The following MIS12 variants were observed in gnomAD, a reference collection of about 807,000 sequenced individuals.
MIS12 encodes protein MIS12 homolog.
A neutral mutation model predicts 16.5 loss-of-function variants in MIS12; 13 were observed. That is an observed-to-expected ratio of 0.79 (90% CI 0.51 to 1.25). MIS12 has a LOEUF of 1.25. MIS12 is among the 50% of genes most tolerant of loss of function. The pLI is 0.00. For missense variants in MIS12, 199 were observed against 239.5 expected (o/e 0.83, Z 1.12); for synonymous variants, 97 against 87.3 (o/e 1.11, Z -0.62).
In MIS12 at chr17:5,488,832, G is replaced by T. The variant is rs189804209; in HGVS notation, c.-31G>T. 9.6e-6 allele frequency: 15 copies of T among 1,562,752 alleles called. No individual in the cohort carries two copies. Among genetic ancestry groups the T allele is most frequent in the South Asian group, 2.4e-5 (2 of 83,508 alleles). On this transcript the variant is annotated 5_prime_UTR_variant, in exon 3 of 3. Coordinates refer to ENST00000611091, the MANE Select transcript of MIS12 (RefSeq NM_001258217.2). ...CTTTTTACATTTGCAGGTTTTTCAC[G>T]ACTGAAAACAACATAGCAAAATAAG... is the stretch of plus-strand genomic sequence containing the variant.
At chr17:5,488,122 G>C (rs1483971136) in intron 1 of MIS12, 74 bp from the exon 2 acceptor site, 1 of 152,140 alleles carries the variant, frequency 6.6e-6, no homozygotes, top group Non-Finnish European at 1.5e-5. Context: ...ATTACTCGCA[G>C]ACCCTTGAAA....
At position 5,489,370 on chromosome 17, in the gene MIS12, G is replaced by T; in HGVS notation, c.508G>T (p.Gly170Trp). ...GCTTCATAATGTTGGCAGAGATCATGGGACTAGTGATTTTAGGGAGAGTTT... is the reference window on the plus strand; with the variant it reads ...GCTTCATAATGTTGGCAGAGATCATTGGACTAGTGATTTTAGGGAGAGTTT... The part of the protein sequence containing the change: ...DELHNVGRDH[G>W]TSDFRESLVS... The change falls in exon 3 of 3, where the codon GGG (glycine) becomes TGG (tryptophan). Residue 170 changes from glycine (G) to tryptophan (W), a missense_variant. By Grantham distance (184) the Gly-to-Trp change is radical. Coordinates refer to ENST00000611091, the MANE Select transcript of MIS12 (RefSeq NM_001258217.2). 6.2e-7 allele frequency: 1 copy of T among 1,614,076 alleles called. No individual in the cohort carries two copies. The highest frequency in any genetic ancestry group is 1.1e-5 in the South Asian group (1 of 91,074).
rs1906720938 is a variant in MIS12 at position 5,490,661 on chromosome 17, T to TG, written c.*1183dup. 1.2e-5 allele frequency: 2 copies of TG among 167,124 alleles called. No homozygotes were observed. The highest frequency in any genetic ancestry group is 2.9e-5 in the Non-Finnish European group (2 of 68,134). The allele number at this position is 167,124 out of a possible 1,614,324, so 10.4% of individuals were successfully genotyped here. A position where few individuals can be genotyped will look rare whatever the true frequency, so the allele number is the denominator to read the frequency against. ...CCATGTCTTCCTAAAGAGCAGAACT[T>TG]GGAGTTTCTCCTTTATGTAGAGAAG... On this transcript the variant is annotated 3_prime_UTR_variant, in exon 3 of 3. Transcript: ENST00000611091.
Position 5,489,664 on chromosome 17 carries a change from A to G in MIS12, c.*184A>G, listed in dbSNP as rs542666964. 1.8e-3 allele frequency: 1,215 copies of G among 662,030 alleles called. 6 individuals carry two copies. The highest frequency in any genetic ancestry group is 3.3e-3 in the Middle Eastern group (8 of 2,398). 41.0% of individuals were successfully genotyped at this position (662,030 alleles called of 1,614,324 possible). A position where few individuals can be genotyped will look rare whatever the true frequency, so the allele number is the denominator to read the frequency against. Reference sequence around the variant, plus strand: ...CTTTTTTGGTCCACTTTGCTGAGGTATGAAGTGTACTACTTTGAACTAGGC... The same window carrying G: ...CTTTTTTGGTCCACTTTGCTGAGGTGTGAAGTGTACTACTTTGAACTAGGC... On this transcript the variant is annotated 3_prime_UTR_variant, in exon 3 of 3. Coordinates refer to ENST00000611091, the MANE Select transcript of MIS12 (RefSeq NM_001258217.2).
intron 1 of MIS12, among the ~76,000 whole-genome samples, 151 bp from the exon 2 acceptor site, chr17:5,488,045 A>C (rs901786892): frequency 6.6e-6 from 1 of 152,220 alleles, no homozygotes. Flanking sequence ...AAAGATGCCT[A>C]GGTTGAATTC....
At chr17:5,486,977 A>C (rs1250658584) in intron 1 of MIS12, 1 of 152,300 alleles carries the variant, frequency 6.6e-6, no homozygotes, top group Non-Finnish European at 1.5e-5. Flanking sequence ...AATACTGATC[A>C]AGCCGCATTT....
Position 5,488,971 on chromosome 17 carries a change from C to T in MIS12, c.109C>T (p.Gln37Ter). The T allele has an allele frequency of 1.2e-6, 2 of 1,614,236 alleles. No homozygotes were observed. The highest frequency in any genetic ancestry group is 1.7e-6 in the Non-Finnish European group (2 of 1,180,046). The part of the protein sequence containing the change: ...AFQDYLFEVM[Q>*]AVEQVILKKL... ...TCAAGACTACCTATTTGAAGTGATGCAGGCCGTTGAACAGGTTATTCTGAA... is the reference window on the plus strand; with the variant it reads ...TCAAGACTACCTATTTGAAGTGATGTAGGCCGTTGAACAGGTTATTCTGAA... Residue 37 changes from glutamine (Q) to a stop codon, truncating the protein, a stop_gained, in exon 3 of 3, where the codon CAG becomes TAG. Transcript: ENST00000611091. LOFTEE classifies it high-confidence loss of function.
chr17:5,486,388 T>G, upstream of MIS12: 1 of 407,978 alleles, frequency 2.5e-6, no homozygotes, highest in Non-Finnish European at 4.3e-6. Flanking sequence ...CCCCACCCTC[T>G]CTTCTCCACC....
At chr17:5,487,023 G>T (rs187390551) in intron 1 of MIS12, 1 of 152,424 alleles carries the variant, frequency 6.6e-6, no homozygotes, top group Non-Finnish European at 1.5e-5. Flanking sequence ...TAGCAGAGAA[G>T]ATGAGGCGGT....
rs1359366192 is a variant in MIS12, at chr17:5,486,588, C to T, written c.-531C>T. 7 of 158,088 alleles carry T rather than the reference C, an allele frequency of 4.4e-5. No individual in the cohort carries two copies. The highest frequency in any genetic ancestry group is 3.2e-4 in the Admixed American group (5 of 15,416). 9.8% of individuals were successfully genotyped at this position (158,088 alleles called of 1,614,324 possible). A position where few individuals can be genotyped will look rare whatever the true frequency, so the allele number is the denominator to read the frequency against. On this transcript the variant is annotated 5_prime_UTR_variant, in exon 1 of 3. Coordinates refer to ENST00000611091, the MANE Select transcript of MIS12 (RefSeq NM_001258217.2). ...CGTATCAGTCGGAATTTTGGGGAGC[C>T]AACCGCGCCGTCTGTCCCTGGCAAG...
At position 5,489,147 on chromosome 17, in the gene MIS12, A is replaced by C. The variant is rs750452866; in HGVS notation, c.285A>C (p.Ser95=). 6 of 1,614,094 alleles carry C rather than the reference A, an allele frequency of 3.7e-6. No homozygotes were observed. The South Asian group carries it at 6.6e-5, about 18-fold the overall frequency. Residue 95 remains serine (S), a synonymous_variant, in exon 3 of 3, where the codon TCA becomes TCC. Coordinates refer to ENST00000611091, the MANE Select transcript of MIS12 (RefSeq NM_001258217.2). ...TGCAGCTGATTTTACGTATTCCCTC[A>C]AACATCTTGCTTCCTGAAGATAAAT... The part of the protein sequence containing the change: ...LFLQLILRIP[S]NILLPEDKCK...
Position 5,489,637 on chromosome 17 carries a change from C to A in MIS12, c.*157C>A. On this transcript the variant is annotated 3_prime_UTR_variant, in exon 3 of 3. Transcript: ENST00000611091. Reference sequence around the variant, plus strand: ...ACTCTTTCTTGTATTCTGTGTTTTCCTCTTTTTTGGTCCACTTTGCTGAGG... The same window carrying A: ...ACTCTTTCTTGTATTCTGTGTTTTCATCTTTTTTGGTCCACTTTGCTGAGG... The A allele has an allele frequency of 1.1e-6, 1 of 913,674 alleles. No homozygotes were observed. The highest frequency in any genetic ancestry group is 1.6e-6 in the Non-Finnish European group (1 of 627,132). 56.6% of individuals were successfully genotyped at this position (913,674 alleles called of 1,614,324 possible). A position where few individuals can be genotyped will look rare whatever the true frequency, so the allele number is the denominator to read the frequency against.
rs757112998 is a variant in MIS12 at position 5,489,409 on chromosome 17, C to A, written c.547C>A (p.Gln183Lys). ...DFRESLVSLV[Q>K]NSRKLQNIRD... Reference sequence around the variant, plus strand: ...TAGGGAGAGTTTAGTATCCCTGGTTCAGAACTCCAGAAAACTACAGAACAT... The same window carrying A: ...TAGGGAGAGTTTAGTATCCCTGGTTAAGAACTCCAGAAAACTACAGAACAT... Residue 183 changes from glutamine (Q) to lysine (K), a missense_variant, in exon 3 of 3, where the codon CAG (glutamine) becomes AAG (lysine). Physicochemically the swap from Gln to Lys is moderately conservative, Grantham distance 53 (BLOSUM62 1). Coordinates refer to ENST00000611091, the MANE Select transcript of MIS12 (RefSeq NM_001258217.2). 3.1e-6 allele frequency: 5 copies of A among 1,612,098 alleles called. No homozygotes were observed. The highest frequency in any genetic ancestry group is 4.2e-6 in the Non-Finnish European group (5 of 1,179,526).
At chr17:5,487,096 C>G (rs1179726874) in intron 1 of MIS12, 2 of 152,284 alleles carry the variant, frequency 1.3e-5, no homozygotes, top group Non-Finnish European at 2.9e-5. Context: ...AGGAGTTAAT[C>G]AAGGAAGTGT....
chr17:5,488,787 T>G, intron 2 of MIS12, 36 bp from the exon 3 acceptor site: 1 of 1,498,352 alleles, frequency 6.7e-7, no homozygotes, highest in Non-Finnish European at 9.0e-7. Flanking sequence ...AAGATTTTTT[T>G]TTTCCAAATG....
chr17:5,489,521 A>G lies in MIS12; in HGVS notation c.*41A>G, dbSNP rs750122679. The G allele has an allele frequency of 6.5e-7, 1 of 1,543,086 alleles. No individual in the cohort carries two copies. The highest frequency in any genetic ancestry group is 2.1e-5 in the Admixed American group (1 of 46,862). ...AAGGAGGAGCCTGTCAAAAAGTAGA[A>G]TCATAAGGACTGTTCAAACCATAAG... On this transcript the variant is annotated 3_prime_UTR_variant, in exon 3 of 3. Transcript: ENST00000611091.
In MIS12 at chr17:5,489,649, C is replaced by A; in HGVS notation, c.*169C>A. On this transcript the variant is annotated 3_prime_UTR_variant, in exon 3 of 3. Coordinates refer to ENST00000611091, the MANE Select transcript of MIS12 (RefSeq NM_001258217.2). ...ATTCTGTGTTTTCCTCTTTTTTGGT[C>A]CACTTTGCTGAGGTATGAAGTGTAC... 1 of 784,958 alleles carries A rather than the reference C, an allele frequency of 1.3e-6. No homozygotes were observed. The highest frequency in any genetic ancestry group is 2.0e-6 in the Non-Finnish European group (1 of 510,832). The allele number at this position is 784,958 out of a possible 1,614,324, so 48.6% of individuals were successfully genotyped here.
In MIS12 at chr17:5,489,332, C is replaced by T; in HGVS notation, c.470C>T (p.Thr157Ile). The T allele has an allele frequency of 1.2e-6, 2 of 1,614,014 alleles. No homozygotes were observed. Among genetic ancestry groups the T allele is most frequent in the Non-Finnish European group, 1.7e-6 (2 of 1,180,026 alleles). ...CAGGCCAAACTCAAACAGACGTTGA[C>T]TTTCTTTGATGAGCTTCATAATGTT... ...IVQAKLKQTL[T>I]FFDELHNVGR... The change falls in exon 3 of 3, where the codon ACT becomes ATT. Residue 157 changes from threonine (T) to isoleucine (I), a missense_variant. Coordinates refer to ENST00000611091, the MANE Select transcript of MIS12 (RefSeq NM_001258217.2).
upstream of MIS12, chr17:5,486,453 G>C: frequency 3.3e-6 from 1 of 299,086 alleles, no homozygotes; most frequent in Non-Finnish European, 6.1e-6. Context: ...AATCCCCGCC[G>C]GCCACAGCTA....
Sources: gnomAD v4.1 joint callset for allele counts (sites outside exome capture counted in the v4.1 genomes callset) on GRCh38, gnomAD v4.1.1 for gene constraint, MANE v1.5 for transcripts, NCBI Gene and HGNC (gene_info 2026-07-23, HGNC 2026-07-21) for gene names.